Variants in TRIM44 observed in about 807,000 individuals in gnomAD.
TRIM44 encodes tripartite motif containing 44, also known as tripartite motif-containing protein 44.
A neutral mutation model predicts 37.4 loss-of-function variants in TRIM44; 13 were observed. The observed-to-expected ratio is 0.35, with a 90% confidence interval of 0.23 to 0.55. The LOEUF (loss-of-function observed/expected upper bound fraction) is 0.55, where lower values mean the gene tolerates loss of function less well. TRIM44 is among the 20% of genes least tolerant of loss of function. The pLI, the probability that TRIM44 is intolerant of heterozygous loss-of-function variation, is 0.89. For missense variants in TRIM44, 426 were observed against 437.2 expected (o/e 0.97, Z 0.23); for synonymous variants, 175 against 157.2 (o/e 1.11, Z -0.85).
intron 4 of TRIM44, among the ~76,000 whole-genome samples, chr11:35,788,160 A>G (rs748351662): frequency 1.8e-4 from 27 of 152,172 alleles, no homozygotes; most frequent in Non-Finnish European, 3.4e-4. Context: ...AGGGTGGATG[A>G]TGAGTAGTCT....
At chr11:35,685,485 C>T in intron 2 of TRIM44, 149 bp downstream of exon 2, 2 of 651,762 alleles carry the variant, frequency 3.1e-6, no homozygotes. Flanking sequence ...TCCTGATATG[C>T]CTAGAGATAA....
At chr11:35,670,359 C>A (rs919343014) in intron 1 of TRIM44, among the ~76,000 whole-genome samples, 4 of 152,160 alleles carry the variant, frequency 2.6e-5, no homozygotes, top group Non-Finnish European at 4.4e-5. Context: ...ACTTCTGTAC[C>A]ACGATTCTAT....
At position 35,663,535 on chromosome 11, in the gene TRIM44, G is replaced by T. The variant is rs1454654717; in HGVS notation, c.424G>T (p.Glu142Ter). The T allele has an allele frequency of 6.2e-7, 1 of 1,610,272 alleles. No individual in the cohort carries two copies. Among genetic ancestry groups the T allele is most frequent in the East Asian group, 2.2e-5 (1 of 44,796 alleles). The part of the protein sequence containing the change: ...EMEDEQESEA[E>*]EDNQEEGESE... ...GGAGGATGAGCAAGAAAGCGAGGCCGAAGAAGACAACCAAGAAGAAGGGGA... is the reference window on the plus strand; with the variant it reads ...GGAGGATGAGCAAGAAAGCGAGGCCTAAGAAGACAACCAAGAAGAAGGGGA... The change falls in exon 1 of 5, where the codon GAA becomes TAA. Residue 142 changes from glutamate (E) to a stop codon, truncating the protein, a stop_gained. Coordinates refer to ENST00000299413, the MANE Select transcript of TRIM44 (RefSeq NM_017583.6). LOFTEE classifies it high-confidence loss of function.
intron 4 of TRIM44, among the ~76,000 whole-genome samples, chr11:35,740,399 G>A (rs1477937400): frequency 2.6e-5 from 4 of 152,166 alleles, no homozygotes; most frequent in Admixed American, 1.3e-4. Flanking sequence ...GCTTAGAGGA[G>A]AAGGAGGAAG....
At chr11:35,733,246 T>A (rs558591023) in intron 3 of TRIM44, among the ~76,000 whole-genome samples, 1 of 152,308 alleles carries the variant, frequency 6.6e-6, no homozygotes, top group East Asian at 1.9e-4. Flanking sequence ...ACCATGTTTT[T>A]ATATTATAAC....
At chr11:35,765,960 A>G (rs564883169) in intron 4 of TRIM44, among the ~76,000 whole-genome samples, 1 of 152,346 alleles carries the variant, frequency 6.6e-6, no homozygotes, top group South Asian at 2.1e-4. Context: ...AGGAAAGGAT[A>G]TGGTACATTT....
chr11:35,808,263 G>A lies in TRIM44; in HGVS notation c.*1878G>A, dbSNP rs1853481346. ...CAAACTGATGGCCAAGAAATGGCTA[G>A]GACAATTTTGGTGCTTTACCTATCT... is the stretch of plus-strand genomic sequence containing the variant. On this transcript the variant is annotated 3_prime_UTR_variant, in exon 5 of 5. Coordinates refer to ENST00000299413, the MANE Select transcript of TRIM44 (RefSeq NM_017583.6). 1 of 145,430 alleles carries A rather than the reference G, an allele frequency of 6.9e-6. No homozygotes were observed. The highest frequency in any genetic ancestry group is 2.5e-5 in the African/African-American group (1 of 39,484). 9.0% of individuals were successfully genotyped at this position (145,430 alleles called of 1,614,324 possible).
intron 2 of TRIM44, among the ~76,000 whole-genome samples, chr11:35,706,527 A>G (rs1325217366): frequency 1.3e-5 from 2 of 152,214 alleles, no homozygotes; most frequent in Admixed American, 1.3e-4. Context: ...AATACTGGCA[A>G]ACCGAATCCA....
chr11:35,690,821 A>G (rs573029893), intron 2 of TRIM44, among the ~76,000 whole-genome samples: 1 of 152,326 alleles, frequency 6.6e-6, no homozygotes, highest in South Asian at 2.1e-4. Flanking sequence ...TGTTTTATGG[A>G]TGAGCATTCT....
intron 4 of TRIM44, among the ~76,000 whole-genome samples, chr11:35,789,419 G>A (rs1328961776): frequency 6.6e-6 from 1 of 152,158 alleles, no homozygotes; most frequent in Non-Finnish European, 1.5e-5. Context: ...CGTTTAATGA[G>A]AAAAGTGATC....
In TRIM44 at chr11:35,778,259, C is replaced by G. The variant is rs140258471; in HGVS notation, c.1008-28099C>G. Reference sequence around the variant, plus strand: ...CCACTTGATCAAATCAGCTACTGAACCTGGTGCATTTGTCACGTAGTTTTC... The same window carrying G: ...CCACTTGATCAAATCAGCTACTGAAGCTGGTGCATTTGTCACGTAGTTTTC... On this transcript the variant is annotated intron_variant, in intron 4 of 4. Coordinates refer to ENST00000299413, the MANE Select transcript of TRIM44 (RefSeq NM_017583.6). Among the ~76,000 whole-genome samples the G allele has an allele frequency of 1.9e-3, 285 of 152,250 alleles. 2 individuals carry two copies. The highest frequency in any genetic ancestry group is 6.6e-3 in the African/African-American group (274 of 41,560).
chr11:35,796,087 A>G (rs1343573415), intron 4 of TRIM44, among the ~76,000 whole-genome samples: 5 of 152,326 alleles, frequency 3.3e-5, no homozygotes, highest in African/African-American at 7.2e-5. Context: ...TCCTAGGTCC[A>G]TATTCATAAC....
chr11:35,715,419 TGTGTGTGTGTGG>T (rs1315426164), intron 2 of TRIM44, among the ~76,000 whole-genome samples: 3 of 151,108 alleles, frequency 2.0e-5, no homozygotes, highest in Non-Finnish European at 4.4e-5. Flanking sequence ...TGTGTGTGTG[TGTGTGTGTGTGG>T]GTGTGGGTGT....
chr11:35,795,793 C>T (rs1352201799), intron 4 of TRIM44, among the ~76,000 whole-genome samples: 1 of 152,104 alleles, frequency 6.6e-6, no homozygotes, highest in African/African-American at 2.4e-5. Context: ...TCTCACTCTA[C>T]CATCAACTCA....
intron 4 of TRIM44, among the ~76,000 whole-genome samples, chr11:35,801,240 C>T (rs1853364719): frequency 6.6e-6 from 1 of 152,212 alleles, no homozygotes; most frequent in African/African-American, 2.4e-5. Flanking sequence ...TGTACAATGC[C>T]CAGGCAGTGT....
intron 2 of TRIM44, among the ~76,000 whole-genome samples, chr11:35,704,851 A>C (rs1411876119): frequency 6.6e-6 from 1 of 152,160 alleles, no homozygotes; most frequent in African/African-American, 2.4e-5. Context: ...AAACTGCATC[A>C]ACTAATGAGC....
In TRIM44 at chr11:35,811,425, A is replaced by G. The variant is rs1853526657; in HGVS notation, c.*5040A>G. ...GGAAGGTAAAATTGTAATTTTTGCC[A>G]TATTTTCTAGAAAAAAAAATGTCTT... On this transcript the variant is annotated 3_prime_UTR_variant, in exon 5 of 5. Coordinates refer to ENST00000299413, the MANE Select transcript of TRIM44 (RefSeq NM_017583.6). 1 of 150,612 alleles carries G rather than the reference A, an allele frequency of 6.6e-6. No individual in the cohort carries two copies. Among genetic ancestry groups the G allele is most frequent in the South Asian group, 2.1e-4 (1 of 4,824 alleles). The allele number at this position is 150,612 out of a possible 1,614,324, so 9.3% of individuals were successfully genotyped here. A position where few individuals can be genotyped will look rare whatever the true frequency, so the allele number is the denominator to read the frequency against.
At chr11:35,801,475 A>G (rs1320627132) in intron 4 of TRIM44, among the ~76,000 whole-genome samples, 1 of 152,224 alleles carries the variant, frequency 6.6e-6, no homozygotes, top group Admixed American at 6.5e-5. Flanking sequence ...GCAAAGTCAG[A>G]ATGCCTGCTA....
intron 1 of TRIM44, among the ~76,000 whole-genome samples, chr11:35,672,819 T>C (rs1205481756): frequency 6.6e-6 from 1 of 152,206 alleles, no homozygotes; most frequent in Non-Finnish European, 1.5e-5. Context: ...CTTTTTATTC[T>C]TGCTGAAGAG....
Sources: gnomAD v4.1 joint callset for allele counts (sites outside exome capture counted in the v4.1 genomes callset) on GRCh38, gnomAD v4.1.1 for gene constraint, MANE v1.5 for transcripts, NCBI Gene and HGNC (gene_info 2026-07-23, HGNC 2026-07-21) for gene names.